CADM2: variants seen among roughly 807,000 people sequenced by gnomAD.
CADM2 encodes cell adhesion molecule 2.
Under a neutral mutation model 49.8 loss-of-function variants are expected in CADM2, and 12 were observed. The ratio of observed to expected loss-of-function variants is 0.24; its 90% CI spans 0.15 to 0.39. The LOEUF is 0.39. CADM2 is among the 10% of genes least tolerant of loss of function. The pLI, the probability that CADM2 is intolerant of heterozygous loss-of-function variation, is 1.00. For synonymous variants in CADM2, 214 were observed against 175.4 expected (o/e 1.22, Z -1.74); for missense variants, 378 against 492.3 (o/e 0.77, Z 2.20).
chr3:85,015,619 C>T (rs903536122), intron 1 of CADM2, among the ~76,000 whole-genome samples: 1 of 151,940 alleles, frequency 6.6e-6, no homozygotes, highest in African/African-American at 2.4e-5. Context: ...TTGATTTTGT[C>T]GGGGAAAAAC....
chr3:85,810,505 T>C lies in CADM2; in HGVS notation c.238+8309T>C, dbSNP rs534248439. On this transcript the variant is annotated intron_variant, in intron 3 of 9. Transcript: ENST00000383699. ...TCTCTGGGAAGATATTTAATACATA[T>C]GTTAAAGTATATGCTCATAGAATTC... 3.3e-5 allele frequency among the ~76,000 whole-genome samples: 5 copies of C among 151,344 alleles called. No homozygotes were observed. The South Asian group carries it at 8.4e-4, about 25-fold the overall frequency.
intron 2 of CADM2, among the ~76,000 whole-genome samples, chr3:85,781,979 CT>C (rs140271530): frequency 3.7e-4 from 57 of 152,312 alleles, no homozygotes; most frequent in African/African-American, 1.3e-3. Context: ...TTTTTAGCCA[CT>C]TATGCTTTGC....
At chr3:85,679,594 T>G (rs974448569) in intron 1 of CADM2, among the ~76,000 whole-genome samples, 2 of 152,138 alleles carry the variant, frequency 1.3e-5, no homozygotes, top group African/African-American at 4.8e-5. Flanking sequence ...TTCTAGATTG[T>G]ATTATGCCTG....
At chr3:85,974,293 A>G (rs894958517) in intron 8 of CADM2, among the ~76,000 whole-genome samples, 3 of 151,664 alleles carry the variant, frequency 2.0e-5, no homozygotes, top group African/African-American at 7.3e-5. Flanking sequence ...CTGAGAACCT[A>G]CAGCACAAAG....
intron 8 of CADM2, chr3:85,979,173 A>G (rs751668325): frequency 6.2e-7 from 1 of 1,609,752 alleles, no homozygotes; most frequent in Non-Finnish European, 8.5e-7. Flanking sequence ...GATGTTCCCA[A>G]CACTTTGCTT....
chr3:85,116,830 T>G (rs995907918), intron 1 of CADM2, among the ~76,000 whole-genome samples: 3 of 152,132 alleles, frequency 2.0e-5, no homozygotes, highest in African/African-American at 7.2e-5. Context: ...AAAAAAATCA[T>G]GTTCTTACCT....
At chr3:85,415,353 G>T (rs941582204) in intron 1 of CADM2, among the ~76,000 whole-genome samples, 2 of 150,626 alleles carry the variant, frequency 1.3e-5, no homozygotes, top group African/African-American at 4.9e-5. Context: ...TTAGTAATTT[G>T]CATTTTCATT....
At chr3:85,079,455 T>C (rs2037075352) in intron 1 of CADM2, among the ~76,000 whole-genome samples, 3 of 151,848 alleles carry the variant, frequency 2.0e-5, no homozygotes. Context: ...CTAATATTTA[T>C]GAAACTATAT....
At chr3:85,085,524 C>T (rs1212930866) in intron 1 of CADM2, among the ~76,000 whole-genome samples, 1 of 151,958 alleles carries the variant, frequency 6.6e-6, no homozygotes, top group African/African-American at 2.4e-5. Context: ...ACATTTCAGT[C>T]GATCCCTGTT....
chr3:85,918,433 T>C (rs1337355650), intron 6 of CADM2, among the ~76,000 whole-genome samples: 3 of 152,210 alleles, frequency 2.0e-5, no homozygotes, highest in African/African-American at 2.4e-5. Context: ...TGTCTTTGGT[T>C]CTGTTTATAT....
chr3:85,911,968 G>A (rs906426907), intron 5 of CADM2, among the ~76,000 whole-genome samples: 1 of 148,586 alleles, frequency 6.7e-6, no homozygotes, highest in Admixed American at 6.7e-5. Context: ...TTTAGACAGA[G>A]TCTTGCTCTG....
intron 5 of CADM2, among the ~76,000 whole-genome samples, chr3:85,900,372 A>G (rs1241514136): frequency 1.3e-5 from 2 of 152,096 alleles, no homozygotes; most frequent in Non-Finnish European, 1.5e-5. Context: ...ACACATCCAT[A>G]CCTATTTTGA....
intron 1 of CADM2, among the ~76,000 whole-genome samples, chr3:85,309,632 A>G (rs1222182268): frequency 4.6e-5 from 7 of 152,294 alleles, no homozygotes; most frequent in African/African-American, 1.7e-4. Context: ...ACAATGTACA[A>G]CACTTAACAA....
intron 1 of CADM2, among the ~76,000 whole-genome samples, chr3:85,124,889 G>C (rs2038976368): frequency 6.6e-6 from 1 of 152,130 alleles, no homozygotes; most frequent in Non-Finnish European, 1.5e-5. Flanking sequence ...GACAGTTTCT[G>C]CTGAATACAT....
chr3:85,046,686 A>G (rs1392376541), intron 1 of CADM2, among the ~76,000 whole-genome samples: 1 of 152,062 alleles, frequency 6.6e-6, no homozygotes, highest in African/African-American at 2.4e-5. Context: ...AAATTATGAA[A>G]TTAATATAAA....
intron 8 of CADM2, among the ~76,000 whole-genome samples, chr3:86,005,569 A>G (rs1730683250): frequency 6.6e-6 from 1 of 151,918 alleles, no homozygotes; most frequent in Admixed American, 6.6e-5. Flanking sequence ...AAAAAAAAAA[A>G]AGTGAGCATA....
intron 1 of CADM2, among the ~76,000 whole-genome samples, chr3:85,669,832 T>C (rs1274186778): frequency 6.6e-6 from 1 of 152,110 alleles, no homozygotes; most frequent in Non-Finnish European, 1.5e-5. Context: ...ATGCACACTC[T>C]TTTTTATGTA....
rs1404734380 is a variant in CADM2 at position 85,362,418 on chromosome 3, T to G, written c.62-364104T>G. ...AACTGTATCTGCATTTCCCCACACC[T>G]CCCCATTTGAAGCGTATAAAATTAA... is the stretch of plus-strand genomic sequence containing the variant. On this transcript the variant is annotated intron_variant, in intron 1 of 9. Coordinates refer to ENST00000383699, the MANE Select transcript of CADM2 (RefSeq NM_001167675.2). Among the ~76,000 whole-genome samples, 3 of 152,186 alleles carry G rather than the reference T, an allele frequency of 2.0e-5. No individual in the cohort carries two copies. The East Asian group carries it at 5.8e-4, about 29-fold the overall frequency.
At chr3:85,076,374 C>T (rs985852609) in intron 1 of CADM2, among the ~76,000 whole-genome samples, 15 of 149,668 alleles carry the variant, frequency 1.0e-4, no homozygotes, top group Non-Finnish European at 1.5e-4. Context: ...GATGGAGTCT[C>T]GCTCTGTCAC....
Sources: allele counts gnomAD v4.1 joint callset (sites outside exome capture counted in the v4.1 genomes callset), GRCh38; gene constraint gnomAD v4.1.1; transcripts MANE v1.5; gene names NCBI Gene and HGNC (gene_info 2026-07-23, HGNC 2026-07-21).